The following RAB7A variants were observed in gnomAD, a reference collection of about 807,000 sequenced individuals.
The protein encoded by RAB7A is ras-related protein Rab-7a.
A neutral mutation model predicts 24.5 loss-of-function variants in RAB7A; 2 were observed. The observed-to-expected ratio is 0.08, with a 90% confidence interval of 0.03 to 0.26. RAB7A has a LOEUF of 0.26. Among genes scored for constraint, RAB7A ranks in the 10% least tolerant of loss-of-function variants. RAB7A has a pLI of 1.00. For synonymous variants in RAB7A, 100 were observed against 95.9 expected, an observed-to-expected ratio of 1.04 and a Z score of -0.25; for missense variants, 118 against 255.7, an observed-to-expected ratio of 0.46 and a Z score of 3.67.
At chr3:128,787,773 C>T (rs888924774) in intron 1 of RAB7A, among the ~76,000 whole-genome samples, 9 of 152,212 alleles carry the variant, frequency 5.9e-5, no homozygotes, top group Non-Finnish European at 8.8e-5. Flanking sequence ...GGCAGTGGAG[C>T]GATCATAGCT....
chr3:128,738,648 A>G (rs991344268), intron 1 of RAB7A, among the ~76,000 whole-genome samples: 33 of 152,134 alleles, frequency 2.2e-4, no homozygotes, highest in Non-Finnish European at 5.9e-5. Context: ...AGATTATCTT[A>G]TAGTTGTGGA....
chr3:128,744,662 C>G (rs1576272653), intron 1 of RAB7A, among the ~76,000 whole-genome samples: 1 of 152,264 alleles, frequency 6.6e-6, no homozygotes, highest in East Asian at 1.9e-4. Flanking sequence ...ATTCCTTATC[C>G]TATTGTGGAC....
chr3:128,728,219 G>A (rs756839087), intron 1 of RAB7A, among the ~76,000 whole-genome samples: 1 of 152,144 alleles, frequency 6.6e-6, no homozygotes, highest in Non-Finnish European at 1.5e-5. Flanking sequence ...ATAATTTGGC[G>A]GTAGAACTTG....
rs553663543 is a variant in RAB7A, at chr3:128,761,309, C to A, written c.-8-34051C>A. ...TGAGAGTTTCTTTTGATTACGAAGT[C>A]ATACATAGTCATTGTTTTAAAACTT... On this transcript the variant is annotated intron_variant, in intron 1 of 5. Transcript: ENST00000265062. 4.6e-5 allele frequency among the ~76,000 whole-genome samples: 7 copies of A among 152,312 alleles called. No homozygotes were observed. In the East Asian group the frequency reaches 1.3e-3, roughly 29 times the overall value.
intron 1 of RAB7A, among the ~76,000 whole-genome samples, chr3:128,761,579 T>C (rs2070776240): frequency 1.3e-5 from 2 of 152,296 alleles, no homozygotes; most frequent in Middle Eastern, 6.8e-3. Context: ...TGAACAGGCC[T>C]TATGTACCAA....
chr3:128,751,518 A>G (rs1041547043), intron 1 of RAB7A, among the ~76,000 whole-genome samples: 6 of 152,032 alleles, frequency 3.9e-5, no homozygotes, highest in Non-Finnish European at 8.8e-5. Flanking sequence ...CTTTGTTTTG[A>G]CCAATTTCTA....
intron 1 of RAB7A, among the ~76,000 whole-genome samples, chr3:128,777,696 T>C (rs531615116): frequency 6.6e-6 from 1 of 152,222 alleles, no homozygotes; most frequent in Non-Finnish European, 1.5e-5. Flanking sequence ...AGCCAAGGAC[T>C]CTATAAAAGC....
intron 3 of RAB7A, among the ~76,000 whole-genome samples, chr3:128,800,500 C>G (rs1044069413): frequency 1.3e-5 from 2 of 152,152 alleles, no homozygotes; most frequent in Admixed American, 6.5e-5. Context: ...GAAGTAAACC[C>G]CATCAGGAGA....
At chr3:128,758,256 C>T (rs2107594818) in intron 1 of RAB7A, among the ~76,000 whole-genome samples, 1 of 150,782 alleles carries the variant, frequency 6.6e-6, no homozygotes, top group South Asian at 2.1e-4. Flanking sequence ...GAGCCACCAC[C>T]CCAGTGTTTG....
chr3:128,766,070 C>T (rs189091904), intron 1 of RAB7A, among the ~76,000 whole-genome samples: 39 of 152,274 alleles, frequency 2.6e-4, no homozygotes, highest in Admixed American at 1.5e-3. Context: ...CCAGGCCCCA[C>T]GTCTTAATAC....
At chr3:128,762,926 T>C (rs867193565) in intron 1 of RAB7A, among the ~76,000 whole-genome samples, 4 of 152,166 alleles carry the variant, frequency 2.6e-5, no homozygotes, top group African/African-American at 9.7e-5. Flanking sequence ...ATCTGTTCTT[T>C]CAGTTGAGCT....
At chr3:128,740,287 A>G (rs1223933342) in intron 1 of RAB7A, among the ~76,000 whole-genome samples, 2 of 151,988 alleles carry the variant, frequency 1.3e-5, no homozygotes, top group South Asian at 2.1e-4. Flanking sequence ...AGGCTGAGGC[A>G]GGAGAATCGC....
chr3:128,767,263 T>G (rs1299207790), intron 1 of RAB7A, among the ~76,000 whole-genome samples: 3 of 151,608 alleles, frequency 2.0e-5, no homozygotes, highest in Non-Finnish European at 4.4e-5. Context: ...GATCTGGGGG[T>G]TGGGAAAGTG....
At chr3:128,748,379 A>C (rs1458660010) in intron 1 of RAB7A, among the ~76,000 whole-genome samples, 1 of 152,082 alleles carries the variant, frequency 6.6e-6, no homozygotes, top group Non-Finnish European at 1.5e-5. Context: ...TGACTTTTAG[A>C]AGTAACCAAG....
chr3:128,797,792 A>G, intron 2 of RAB7A, 151 bp from the exon 3 acceptor site: 2 of 815,472 alleles, frequency 2.5e-6, no homozygotes, highest in Non-Finnish European at 2.0e-6. Flanking sequence ...CAAAAGTGTA[A>G]TGCTCGGAAG....
In RAB7A at chr3:128,807,556, G is replaced by A; in HGVS notation, c.413G>A (p.Arg138Gln). The A allele has an allele frequency of 1.2e-6, 2 of 1,614,124 alleles. No homozygotes were observed. Among genetic ancestry groups the A allele is most frequent in the Non-Finnish European group, 1.7e-6 (2 of 1,180,006 alleles). The change falls in exon 5 of 6, where the codon CGG (arginine) becomes CAG (glutamine). Residue 138 changes from arginine (R) to glutamine (Q), a missense_variant. Transcript: ENST00000265062. ...DLENRQVATK[R>Q]AQAWCYSKNN... ...TTCTTCTTTCAGGTGGCCACAAAGCGGGCACAGGCCTGGTGCTACAGCAAA... is the reference window on the plus strand; with the variant it reads ...TTCTTCTTTCAGGTGGCCACAAAGCAGGCACAGGCCTGGTGCTACAGCAAA...
intron 1 of RAB7A, among the ~76,000 whole-genome samples, chr3:128,760,759 ATATGGAACTAGTG>A (rs1414747082): frequency 6.6e-6 from 1 of 152,260 alleles, no homozygotes; most frequent in Non-Finnish European, 1.5e-5. Context: ...AGTTATAAAC[ATATGGAACTAGTG>A]TAGGCCTTGA....
At chr3:128,748,366 G>C (rs999470001) in intron 1 of RAB7A, among the ~76,000 whole-genome samples, 2 of 152,168 alleles carry the variant, frequency 1.3e-5, no homozygotes, top group Admixed American at 6.5e-5. Flanking sequence ...CTTCTCAGCT[G>C]GCTGACTTTT....
chr3:128,799,905 C>T (rs766223931), intron 3 of RAB7A, among the ~76,000 whole-genome samples: 1 of 152,028 alleles, frequency 6.6e-6, no homozygotes, highest in Non-Finnish European at 1.5e-5. Context: ...TTCATAACCA[C>T]ATGAGGAAAT....
Sources: allele counts gnomAD v4.1 joint callset (sites outside exome capture counted in the v4.1 genomes callset), GRCh38; gene constraint gnomAD v4.1.1; transcripts MANE v1.5; gene names NCBI Gene and HGNC (gene_info 2026-07-23, HGNC 2026-07-21).